Variants in ATP2C1 observed in about 807,000 individuals in gnomAD.
The protein encoded by ATP2C1 is ATPase secretory pathway Ca2+ transporting 1, also known as calcium-transporting ATPase type 2C member 1.
Under a neutral mutation model 120.5 loss-of-function variants are expected in ATP2C1, and 31 were observed. The observed-to-expected ratio is 0.26, with a 90% CI of 0.19 to 0.35. ATP2C1 has a LOEUF of 0.35. Ranked by LOEUF, ATP2C1 falls within the 10% of genes least tolerant of loss-of-function variation. The pLI, the probability that ATP2C1 is intolerant of heterozygous loss-of-function variation, is 1.00. For synonymous variants in ATP2C1, 351 were observed against 358.7 expected, an observed-to-expected ratio of 0.98 and a Z score of 0.24; for missense variants, 731 against 1,107.5, an observed-to-expected ratio of 0.66 and a Z score of 4.83.
chr3:130,932,328 T>C (rs554454789), intron 4 of ATP2C1, among the ~76,000 whole-genome samples, 190 bp downstream of exon 4: 9 of 152,264 alleles, frequency 5.9e-5, no homozygotes, highest in Middle Eastern at 3.4e-3. Flanking sequence ...TATGTAAATC[T>C]TAAAGACAAC....
At chr3:130,980,700 T>C in intron 20 of ATP2C1, 21 bp downstream of exon 20, 3 of 1,567,726 alleles carry the variant, frequency 1.9e-6, no homozygotes, top group Non-Finnish European at 2.6e-6. Context: ...ACTAAAGCCT[T>C]TTGGACTGAA....
At chr3:130,879,337 G>A (rs374483700) in intron 1 of ATP2C1, among the ~76,000 whole-genome samples, 1 of 152,088 alleles carries the variant, frequency 6.6e-6, no homozygotes, top group Admixed American at 6.6e-5. Context: ...AAAGTGCTGG[G>A]ATTACAGGTG....
chr3:131,016,267 C>T lies in ATP2C1; in HGVS notation c.*78C>T, dbSNP rs768795298. 28 of 1,613,962 alleles carry T rather than the reference C, an allele frequency of 1.7e-5. No homozygotes were observed. The highest frequency in any genetic ancestry group is 1.3e-4 in the Admixed American group (8 of 59,980). ...GTCTAAGTCCAGTCTTGTGCCCAGC[C>T]GTGTCTGCGCCTTCACTCTTTGGAA... On this transcript the variant is annotated 3_prime_UTR_variant, in exon 27 of 27. Transcript: ENST00000328560.
intron 2 of ATP2C1, among the ~76,000 whole-genome samples, chr3:130,926,121 A>G (rs764820989): frequency 1.1e-4 from 17 of 152,170 alleles, no homozygotes; most frequent in South Asian, 8.3e-4. Flanking sequence ...TGGTGATCCA[A>G]TTTCTTCAAA....
chr3:130,894,393 G>A lies in ATP2C1; in HGVS notation c.-181+56G>A. 4.3e-6 allele frequency: 5 copies of A among 1,162,010 alleles called. No homozygotes were observed. Among genetic ancestry groups the A allele is most frequent in the Non-Finnish European group, 5.4e-6 (5 of 934,048 alleles). 72.0% of individuals were successfully genotyped at this position (1,162,010 alleles called of 1,614,324 possible). A position where few individuals can be genotyped will look rare whatever the true frequency, so the allele number is the denominator to read the frequency against. ...TTCTAGAAACTTCCAGGTTCTGAAG[G>A]AAGGGGAGGTTCGGGTATCCCCTGG... is the stretch of plus-strand genomic sequence containing the variant. On this transcript the variant is annotated intron_variant, in intron 1 of 27. Transcript: ENST00000510168. The surrounding 1 kb of genome is among the most constrained non-coding windows in gnomAD (Gnocchi z 4.5).
At position 130,989,266 on chromosome 3, in the gene ATP2C1, AAAAC is replaced by A. The variant is rs1285752872; in HGVS notation, c.1840-3679_1840-3676del. ...CCATCTCAAAAAAAAAAAAAACAAA[AAAAC>A]AAACACACAAAAAAACGGCTGGGTG... is the stretch of plus-strand genomic sequence containing the variant. On this transcript the variant is annotated intron_variant, in intron 20 of 27. Transcript: ENST00000510168. Among the ~76,000 whole-genome samples, 732 of 149,576 alleles carry A rather than the reference AAAAC, an allele frequency of 4.9e-3. 5 individuals are homozygous for A. Among genetic ancestry groups the A allele is most frequent in the African/African-American group, 0.015 (598 of 40,664 alleles).
At chr3:130,947,274 G>T in intron 8 of ATP2C1, among the ~76,000 whole-genome samples, 1 of 151,926 alleles carries the variant, frequency 6.6e-6, no homozygotes, top group East Asian at 1.9e-4. Flanking sequence ...TATTAAAACA[G>T]CTTTTTTGAG....
chr3:130,965,804 CCTTAT>C (rs1374026403), intron 14 of ATP2C1, among the ~76,000 whole-genome samples: 1 of 152,034 alleles, frequency 6.6e-6, no homozygotes, highest in Non-Finnish European at 1.5e-5. Flanking sequence ...ACCTCTTAGT[CCTTAT>C]CTTAGGTAAA....
intron 12 of ATP2C1, among the ~76,000 whole-genome samples, chr3:130,962,715 TAAAAAAAA>T (rs71133621): frequency 8.8e-6 from 1 of 114,214 alleles, no homozygotes; most frequent in African/African-American, 3.3e-5. Context: ...ATGGAAGCAT[TAAAAAAAA>T]AAAAAAAAAG....
Position 130,941,618 on chromosome 3 carries a change from A to T in ATP2C1, c.450A>T (p.Thr150=), listed in dbSNP as rs2059924309. Residue 150 remains threonine (T), a synonymous_variant, in exon 8 of 28, where the codon ACA becomes ACT. Transcript: ENST00000510168. ...TGCGTGAAGGAAAATTGGAGCATAC[A>T]CTTGCCCGAGACTTGGTTCCAGGTG... The part of the protein sequence containing the change: ...HCVREGKLEH[T]LARDLVPGDT... 6.2e-7 allele frequency: 1 copy of T among 1,613,836 alleles called. No homozygotes were observed.
chr3:130,911,358 G>C (rs2058402061), intron 2 of ATP2C1, among the ~76,000 whole-genome samples: 1 of 149,560 alleles, frequency 6.7e-6, no homozygotes, highest in Non-Finnish European at 1.5e-5. Flanking sequence ...TATTAGTCTT[G>C]CTAGTGGTCT....
chr3:130,933,121 A>C (rs1174483406), intron 4 of ATP2C1, among the ~76,000 whole-genome samples: 2 of 152,196 alleles, frequency 1.3e-5, no homozygotes, highest in Non-Finnish European at 2.9e-5. Context: ...GTATGATTTA[A>C]TGTTTTACTT....
intron 18 of ATP2C1, among the ~76,000 whole-genome samples, chr3:130,977,793 A>G (rs1300067838): frequency 3.3e-5 from 5 of 152,268 alleles, no homozygotes; most frequent in Admixed American, 2.0e-4. Flanking sequence ...CTCCACTTCC[A>G]TCCTCCCCCT....
intron 5 of ATP2C1, among the ~76,000 whole-genome samples, chr3:130,934,974 A>G (rs2059604331): frequency 6.6e-6 from 1 of 152,150 alleles, no homozygotes; most frequent in African/African-American, 2.4e-5. Flanking sequence ...TTGGGACTAC[A>G]GGTGTATGCT....
Position 130,850,856 on chromosome 3 carries a change from T to A in ATP2C1, c.36T>A (p.Tyr12Ter). The change falls in exon 1 of 27, where the codon TAT (tyrosine) becomes TAA (stop). Residue 12 changes from tyrosine (Y) to a stop codon, truncating the protein, a stop_gained. Transcript: ENST00000504381. LOFTEE classifies it high-confidence loss of function. Reference sequence around the variant, plus strand: ...TGTTGCCTCCATCTAGATTCTCTTATTTCAAAAAATATCCTCTCCATGCAA... The same window carrying A: ...TGTTGCCTCCATCTAGATTCTCTTAATTCAAAAAATATCCTCTCCATGCAA... 6.9e-7 allele frequency: 1 copy of A among 1,450,202 alleles called. No homozygotes were observed. The highest frequency in any genetic ancestry group is 9.1e-7 in the Non-Finnish European group (1 of 1,103,430). 89.8% of individuals were successfully genotyped at this position (1,450,202 alleles called of 1,614,324 possible). A position where few individuals can be genotyped will look rare whatever the true frequency, so the allele number is the denominator to read the frequency against.
At chr3:130,885,534 A>G (rs1453372812) in intron 1 of ATP2C1, among the ~76,000 whole-genome samples, 1 of 151,984 alleles carries the variant, frequency 6.6e-6, no homozygotes, top group African/African-American at 2.4e-5. Flanking sequence ...GAGGCTTGCA[A>G]ATACTATCTT....
At chr3:130,946,791 G>A (rs1000233636) in intron 8 of ATP2C1, among the ~76,000 whole-genome samples, 1 of 152,222 alleles carries the variant, frequency 6.6e-6, no homozygotes, top group African/African-American at 2.4e-5. Flanking sequence ...TAAGCATGTA[G>A]TGATATTTTA....
rs745773317 is a variant in ATP2C1, at chr3:130,975,348, G to T, written c.1430G>T (p.Cys477Phe). ...TCTTCTTAGGACAGACCAGAGATTT[G>T]TTTTATGAAAGGTGCTTACGAACAA... Reference protein sequence around the residue: ...HRTQQDRPEICFMKGAYEQVI... With the variant: ...HRTQQDRPEIFFMKGAYEQVI... Residue 477 changes from cysteine (C) to phenylalanine (F), a missense_variant, in exon 18 of 28, where the codon TGT (cysteine) becomes TTT (phenylalanine). Transcript: ENST00000510168. 6.2e-7 allele frequency: 1 copy of T among 1,613,802 alleles called. No individual in the cohort carries two copies. The highest frequency in any genetic ancestry group is 1.7e-5 in the Admixed American group (1 of 60,000).
At chr3:130,909,242 T>A (rs1456990995) in intron 2 of ATP2C1, among the ~76,000 whole-genome samples, 1 of 152,132 alleles carries the variant, frequency 6.6e-6, no homozygotes, top group Non-Finnish European at 1.5e-5. Context: ...ATTCCTAGAA[T>A]TTTTAAGGTG....
Sources: allele counts gnomAD v4.1 joint callset (sites outside exome capture counted in the v4.1 genomes callset), GRCh38; gene constraint gnomAD v4.1.1; non-coding constraint Gnocchi (gnomAD v3.1); transcripts MANE v1.5; gene names NCBI Gene and HGNC (gene_info 2026-07-23, HGNC 2026-07-21).